Variants in GLIS3 observed in about 807,000 individuals in gnomAD.
GLIS3 encodes zinc finger protein GLIS3.
In GLIS3, 53 loss-of-function variants were observed where a neutral mutation model predicts 78.6. That is an observed-to-expected ratio of 0.67 (90% CI 0.54 to 0.85). GLIS3 has a LOEUF of 0.85. Ranked by LOEUF, GLIS3 falls within the 40% of genes least tolerant of loss-of-function variation. The pLI, the probability that GLIS3 is intolerant of heterozygous loss-of-function variation, is 0.00. For missense variants in GLIS3, 1,703 were observed against 1,231.1 expected (o/e 1.38, Z -5.74); for synonymous variants, 684 against 509.9 (o/e 1.34, Z -4.60).
intron 4 of GLIS3, among the ~76,000 whole-genome samples, chr9:4,005,854 A>G (rs1321933458): frequency 6.6e-6 from 1 of 152,234 alleles, no homozygotes; most frequent in Non-Finnish European, 1.5e-5. Context: ...AACATTTGTT[A>G]GGCAAATAAT....
chr9:4,333,081 T>G (rs1817708597), intron 2 of GLIS3, among the ~76,000 whole-genome samples: 1 of 152,210 alleles, frequency 6.6e-6, no homozygotes, highest in Non-Finnish European at 1.5e-5. Context: ...CACTCCAGTT[T>G]CACAAATTAA....
intron 4 of GLIS3, among the ~76,000 whole-genome samples, chr9:4,053,910 T>A (rs1318764664): frequency 6.6e-6 from 1 of 152,138 alleles, no homozygotes; most frequent in Non-Finnish European, 1.5e-5. Flanking sequence ...GTTCCTGAGG[T>A]AAAGACAGTT....
At chr9:4,227,481 G>A (rs530960460) in intron 2 of GLIS3, among the ~76,000 whole-genome samples, 5 of 152,070 alleles carry the variant, frequency 3.3e-5, no homozygotes, top group Admixed American at 6.6e-5. Context: ...GCAAAATATG[G>A]GGCCGATCAG....
At chr9:4,010,089 G>A (rs1821876575) in intron 4 of GLIS3, among the ~76,000 whole-genome samples, 1 of 152,118 alleles carries the variant, frequency 6.6e-6, no homozygotes, top group Non-Finnish European at 1.5e-5. Context: ...CACCCTCCGA[G>A]TTGTGGCAAT....
intron 2 of GLIS3, among the ~76,000 whole-genome samples, chr9:4,315,703 T>C (rs1406688148): frequency 6.6e-6 from 1 of 152,120 alleles, no homozygotes; most frequent in South Asian, 2.1e-4. Context: ...TCCCTGGGTC[T>C]TTTGGGGCCA....
At chr9:4,490,444 G>A in the GLIS3 span, 1 of 292,308 alleles carries the variant, frequency 3.4e-6, no homozygotes, top group Non-Finnish European at 6.2e-6. Flanking sequence ...GGCGGCAGCA[G>A]GAGGAGCCGG....
the GLIS3 span, among the ~76,000 whole-genome samples, chr9:4,476,456 G>C: frequency 6.6e-6 from 1 of 151,986 alleles, no homozygotes; most frequent in Non-Finnish European, 1.5e-5. Flanking sequence ...CCGCCTCCTG[G>C]GTTCAAGCGA....
At chr9:4,009,875 C>T (rs1449919685) in intron 4 of GLIS3, among the ~76,000 whole-genome samples, 1 of 152,150 alleles carries the variant, frequency 6.6e-6, no homozygotes, top group Non-Finnish European at 1.5e-5. Flanking sequence ...TCTGGCCGCC[C>T]CGGTCATAGG....
intron 4 of GLIS3, among the ~76,000 whole-genome samples, chr9:4,036,186 C>T (rs1395528266): frequency 1.3e-5 from 2 of 152,196 alleles, no homozygotes; most frequent in African/African-American, 4.8e-5. Flanking sequence ...TCACCAGCAA[C>T]AAAAATTCTG....
intron 6 of GLIS3, among the ~76,000 whole-genome samples, chr9:3,912,442 T>C (rs1824217656): frequency 6.6e-6 from 1 of 152,164 alleles, no homozygotes; most frequent in Non-Finnish European, 1.5e-5. Context: ...ACAAAACTTT[T>C]TAGAACACTC....
chr9:4,376,120 A>C, the GLIS3 span, among the ~76,000 whole-genome samples: 3 of 152,142 alleles, frequency 2.0e-5, no homozygotes, highest in East Asian at 5.8e-4. Context: ...ATCTGGATTG[A>C]AAAAAAGTTG....
chr9:4,384,437 C>T, the GLIS3 span, among the ~76,000 whole-genome samples: 1 of 152,036 alleles, frequency 6.6e-6, no homozygotes, highest in East Asian at 1.9e-4. Flanking sequence ...AGGACTATTA[C>T]TCATGGTTGA....
intron 2 of GLIS3, among the ~76,000 whole-genome samples, chr9:4,328,781 T>C (rs1312397796): frequency 1.3e-5 from 2 of 152,298 alleles, no homozygotes; most frequent in African/African-American, 4.8e-5. Flanking sequence ...ATACCAGGTG[T>C]TGCGAGGACT....
At chr9:4,424,527 T>G in the GLIS3 span, among the ~76,000 whole-genome samples, 1 of 152,308 alleles carries the variant, frequency 6.6e-6, no homozygotes, top group East Asian at 1.9e-4. Flanking sequence ...CAACATTCAC[T>G]GGGAAACTGT....
intron 3 of GLIS3, among the ~76,000 whole-genome samples, chr9:4,125,238 T>A (rs1436123549): frequency 6.6e-6 from 1 of 152,212 alleles, no homozygotes; most frequent in Non-Finnish European, 1.5e-5. Context: ...AAACTTCAAC[T>A]ATTATATTAT....
At chr9:4,246,721 A>G (rs1294863776) in intron 2 of GLIS3, among the ~76,000 whole-genome samples, 1 of 152,122 alleles carries the variant, frequency 6.6e-6, no homozygotes, top group Non-Finnish European at 1.5e-5. Context: ...ACCTCCTATC[A>G]TTTCCTAAAA....
chr9:4,472,238 C>G, the GLIS3 span, among the ~76,000 whole-genome samples: 4 of 152,130 alleles, frequency 2.6e-5, no homozygotes, highest in Non-Finnish European at 5.9e-5. Flanking sequence ...ACCATTTGAC[C>G]CAGCCATCCC....
chr9:4,138,822 T>C (rs961589300), intron 2 of GLIS3, among the ~76,000 whole-genome samples: 1 of 152,220 alleles, frequency 6.6e-6, no homozygotes, highest in Admixed American at 6.5e-5. Flanking sequence ...GTAAGTACTC[T>C]ATAAGCTGTA....
intron 2 of GLIS3, among the ~76,000 whole-genome samples, chr9:4,251,636 T>G (rs1023945964): frequency 6.6e-6 from 1 of 152,192 alleles, no homozygotes; most frequent in Non-Finnish European, 1.5e-5. Context: ...TGTGTGAATT[T>G]AATCCTGTCA....
Sources: allele counts gnomAD v4.1 joint callset (sites outside exome capture counted in the v4.1 genomes callset), GRCh38; gene constraint gnomAD v4.1.1; transcripts MANE v1.5; gene names NCBI Gene and HGNC (gene_info 2026-07-23, HGNC 2026-07-21).